The following UBA2 variants were observed in gnomAD, a reference collection of about 807,000 sequenced individuals.
UBA2 encodes the protein ubiquitin like modifier activating enzyme 2.
A neutral mutation model predicts 77.2 loss-of-function variants in UBA2; 11 were observed. The observed-to-expected ratio is 0.14, with a 90% confidence interval of 0.09 to 0.24. The LOEUF is 0.24. Ranked by LOEUF, UBA2 falls within the 10% of genes least tolerant of loss-of-function variation. UBA2 has a pLI of 1.00. For missense variants in UBA2, 487 were observed against 781.7 expected (o/e 0.62, Z 4.50); for synonymous variants, 278 against 276.7 (o/e 1.00, Z -0.05).
At chr19:34,435,304 A>G (rs1196799568) in intron 5 of UBA2, among the ~76,000 whole-genome samples, 1 of 152,232 alleles carries the variant, frequency 6.6e-6, no homozygotes, top group African/African-American at 2.4e-5. Flanking sequence ...AGGCTGAGCC[A>G]GGCGAATCAC....
At chr19:34,463,880 A>G in intron 14 of UBA2, 146 bp from the exon 15 acceptor site, 1 of 624,820 alleles carries the variant, frequency 1.6e-6, no homozygotes, top group Admixed American at 2.9e-5. Flanking sequence ...TCAGATTCTG[A>G]GATACTGGGG....
At chr19:34,460,314 C>T (rs1559196) in intron 13 of UBA2, among the ~76,000 whole-genome samples, 156 bp from the exon 14 acceptor site, 100,674 of 152,006 alleles carry the variant, frequency 0.66, 36,663 homozygotes, top group Non-Finnish European at 0.82. Context: ...TGAATCCCCA[C>T]GGCTTTCCTG....
intron 5 of UBA2, among the ~76,000 whole-genome samples, chr19:34,437,119 G>T (rs2075316903): frequency 6.6e-6 from 1 of 151,888 alleles, no homozygotes; most frequent in Admixed American, 6.6e-5. Context: ...TGAACAATTA[G>T]CCTGGCTAAT....
At chr19:34,435,240 A>G (rs2075296212) in intron 5 of UBA2, among the ~76,000 whole-genome samples, 2 of 152,038 alleles carry the variant, frequency 1.3e-5, no homozygotes, top group African/African-American at 4.8e-5. Context: ...TCTACTAAAA[A>G]TACAAAAATT....
chr19:34,435,376 C>T (rs1300023137), intron 5 of UBA2, among the ~76,000 whole-genome samples: 1 of 152,110 alleles, frequency 6.6e-6, no homozygotes, highest in Non-Finnish European at 1.5e-5. Context: ...CCAGCCTGGG[C>T]TACAGATCAA....
chr19:34,458,748 C>T, intron 12 of UBA2, 21 bp from the exon 13 acceptor site: 1 of 1,600,408 alleles, frequency 6.2e-7, no homozygotes, highest in Non-Finnish European at 8.5e-7. Context: ...CCGATTTCTG[C>T]CTGTTATTTC....
chr19:34,469,045 G>C lies in UBA2; in HGVS notation c.1747G>C (p.Glu583Gln), dbSNP rs371909636. 2.6e-5 allele frequency: 42 copies of C among 1,603,182 alleles called. No individual in the cohort carries two copies. Among genetic ancestry groups the C allele is most frequent in the Non-Finnish European group, 8.5e-6 (10 of 1,176,580 alleles). Residue 583 changes from glutamate (E) to glutamine (Q), a missense_variant, in exon 17 of 17, where the codon GAG (glutamate) becomes CAG (glutamine). Around this residue, in one of 9 missense-constraint regions of UBA2, gnomAD observed 40 missense variants for 36.6 expected, o/e 1.09. Transcript: ENST00000246548. Reference protein sequence around the residue: ...GAQPSTSTAQEQDDVLIVDSD... With the variant: ...GAQPSTSTAQQQDDVLIVDSD... ...TCCCTTTTTTCTGAAATAAGCTCAAGAGCAAGATGACGTTCTCATAGTTGA... is the reference window on the plus strand; with the variant it reads ...TCCCTTTTTTCTGAAATAAGCTCAACAGCAAGATGACGTTCTCATAGTTGA...
At chr19:34,438,983 C>T (rs529213939) in intron 6 of UBA2, among the ~76,000 whole-genome samples, 2 of 152,110 alleles carry the variant, frequency 1.3e-5, no homozygotes, top group South Asian at 2.1e-4. Flanking sequence ...CTGAGGTGGT[C>T]GGATCACCTG....
In UBA2 at chr19:34,438,787, G is replaced by A. The variant is rs1192928926; in HGVS notation, c.581+21G>A. 3.1e-6 allele frequency: 5 copies of A among 1,611,332 alleles called. No individual in the cohort carries two copies. The African/African-American group carries it at 6.7e-5, about 22-fold the overall frequency. ...TTCAAGTAAGAGTGTATATTTCTTGGCATGCTTTTCGGTACTGATGATGGA... is the reference window on the plus strand; with the variant it reads ...TTCAAGTAAGAGTGTATATTTCTTGACATGCTTTTCGGTACTGATGATGGA... On this transcript the variant is annotated intron_variant, in intron 6 of 16. Coordinates refer to ENST00000246548, the MANE Select transcript of UBA2 (RefSeq NM_005499.3).
chr19:34,458,389 A>G (rs1459338244), intron 12 of UBA2, among the ~76,000 whole-genome samples: 1 of 151,446 alleles, frequency 6.6e-6, no homozygotes, highest in Admixed American at 6.6e-5. Flanking sequence ...CCCCGTCTCT[A>G]CTAAAAAAAA....
chr19:34,439,298 T>C (rs919373563), intron 6 of UBA2, among the ~76,000 whole-genome samples: 10 of 152,106 alleles, frequency 6.6e-5, no homozygotes, highest in Non-Finnish European at 1.5e-4. Context: ...AAAATCTTTA[T>C]ATTTGGAAAT....
At chr19:34,450,408 T>C (rs774357307) in intron 9 of UBA2, 44 bp downstream of exon 9, 10 of 1,401,048 alleles carry the variant, frequency 7.1e-6, no homozygotes, top group Admixed American at 4.4e-5. Flanking sequence ...GCTGGAAATA[T>C]CCTCGCGTAA....
Position 34,439,674 on chromosome 19 carries a change from A to G in UBA2, c.581+908A>G, listed in dbSNP as rs570205428. Among the ~76,000 whole-genome samples the G allele has an allele frequency of 1.3e-4, 20 of 152,184 alleles. No homozygotes were observed. The East Asian group carries it at 3.9e-3, about 30-fold the overall frequency. ...GCAAAACCGTGTCTCTACAAAAAAT[A>G]GAAAAATGAGCCAGGTGTACCTGTA... On this transcript the variant is annotated intron_variant, in intron 6 of 16. Transcript: ENST00000246548.
intron 10 of UBA2, among the ~76,000 whole-genome samples, chr19:34,452,485 T>C (rs2075512308): frequency 6.6e-6 from 1 of 152,222 alleles, no homozygotes; most frequent in Non-Finnish European, 1.5e-5. Context: ...AGAAAACATC[T>C]CATTGGCCTG....
chr19:34,446,829 A>G (rs1216562875), intron 8 of UBA2, among the ~76,000 whole-genome samples: 3 of 149,860 alleles, frequency 2.0e-5, no homozygotes, highest in African/African-American at 7.4e-5. Flanking sequence ...CTGGTCTCGA[A>G]CTCCTACCTC....
At chr19:34,453,388 G>A (rs1169855923) in intron 10 of UBA2, among the ~76,000 whole-genome samples, 1 of 152,100 alleles carries the variant, frequency 6.6e-6, no homozygotes, top group African/African-American at 2.4e-5. Flanking sequence ...ATCGTAACAG[G>A]AAAAACTTGG....
chr19:34,444,898 G>C (rs2075411813), intron 7 of UBA2, 102 bp from the exon 8 acceptor site: 1 of 1,223,066 alleles, frequency 8.2e-7, no homozygotes, highest in Admixed American at 2.4e-5. Flanking sequence ...GTTGCATTTG[G>C]GGATTTCCAT....
At chr19:34,453,032 GAA>G (rs1599919559) in intron 10 of UBA2, among the ~76,000 whole-genome samples, 1 of 152,196 alleles carries the variant, frequency 6.6e-6, no homozygotes, top group African/African-American at 2.4e-5. Context: ...CTTGGAATGG[GAA>G]TTGTTATCCT....
intron 6 of UBA2, among the ~76,000 whole-genome samples, chr19:34,442,093 G>A (rs569115327): frequency 5.9e-5 from 9 of 152,016 alleles, no homozygotes; most frequent in East Asian, 1.9e-4. Context: ...AAATTAGCAA[G>A]GCATGGTGGC....
Sources: allele counts gnomAD v4.1 joint callset (sites outside exome capture counted in the v4.1 genomes callset), GRCh38; gene constraint gnomAD v4.1.1; regional missense constraint gnomAD v4.1.1; transcripts MANE v1.5; gene names NCBI Gene and HGNC (gene_info 2026-07-23, HGNC 2026-07-21).